The following CPEB4 variants were observed in gnomAD, a reference collection of about 807,000 sequenced individuals.
CPEB4 encodes the protein cytoplasmic polyadenylation element binding protein 4.
CPEB4 carries 12 observed loss-of-function variants against 72.5 expected under a neutral mutation model. The observed-to-expected ratio is 0.17, with a 90% CI of 0.11 to 0.27. The LOEUF (loss-of-function observed/expected upper bound fraction) is 0.27. Ranked by LOEUF, CPEB4 falls within the 10% of genes least tolerant of loss-of-function variation. The pLI, the probability that CPEB4 is intolerant of heterozygous loss-of-function variation, is 1.00. For synonymous variants in CPEB4, 302 were observed against 326.3 expected (o/e 0.93, Z 0.80); for missense variants, 614 against 908.5 (o/e 0.68, Z 4.17).
rs577778295 is a variant in CPEB4, at chr5:173,892,809, G to A, written c.1125+1951G>A. 7.9e-5 allele frequency among the ~76,000 whole-genome samples: 12 copies of A among 152,246 alleles called. No homozygotes were observed. In the South Asian group the frequency reaches 2.5e-3, roughly 32 times the overall value. ...GAACAGTTTCTTTGGAGATTAAGTT[G>A]ATTTATGAAATAATAGTTAGACTAA... On this transcript the variant is annotated intron_variant, in intron 1 of 9. Coordinates refer to ENST00000265085, the MANE Select transcript of CPEB4 (RefSeq NM_030627.4).
At chr5:173,930,389 C>G (rs1446399351) in intron 2 of CPEB4, among the ~76,000 whole-genome samples, 2 of 152,084 alleles carry the variant, frequency 1.3e-5, no homozygotes, top group Non-Finnish European at 2.9e-5. Context: ...GGGTCATGTT[C>G]TTGCTCGTAG....
At chr5:173,943,143 G>C in intron 4 of CPEB4, 94 bp downstream of exon 4, 1 of 1,230,354 alleles carries the variant, frequency 8.1e-7, no homozygotes, top group South Asian at 1.4e-5. Flanking sequence ...GGGGAGAGGG[G>C]AAATGAAGCA....
At chr5:173,926,152 T>G (rs1163226592) in intron 2 of CPEB4, among the ~76,000 whole-genome samples, 1 of 152,234 alleles carries the variant, frequency 6.6e-6, no homozygotes, top group African/African-American at 2.4e-5. Context: ...GGTGTTTGTG[T>G]GTTTGAAATG....
At chr5:173,915,970 C>T (rs1275547189) in intron 2 of CPEB4, among the ~76,000 whole-genome samples, 1 of 151,904 alleles carries the variant, frequency 6.6e-6, no homozygotes, top group Non-Finnish European at 1.5e-5. Context: ...AATAAAGAGA[C>T]AAAAATAGTG....
chr5:173,905,014 AAT>A lies in CPEB4; in HGVS notation c.1126-5507_1126-5506del, dbSNP rs1561608928. Among the ~76,000 whole-genome samples, 255 of 59,902 alleles carry A rather than the reference AAT, an allele frequency of 4.3e-3. 2 individuals are homozygous for A. Among genetic ancestry groups the A allele is most frequent in the Non-Finnish European group, 5.6e-3 (148 of 26,222 alleles). 39.3% of individuals were successfully genotyped at this position (59,902 alleles called of 152,430 possible). A position where few individuals can be genotyped will look rare whatever the true frequency, so the allele number is the denominator to read the frequency against. On this transcript the variant is annotated intron_variant, in intron 1 of 9. Coordinates refer to ENST00000265085, the MANE Select transcript of CPEB4 (RefSeq NM_030627.4). ...TAATAATAATAATAATAATAATAAT[AAT>A]AAAAAAATGTAACTTAGAAGATTTG...
chr5:173,902,156 C>A (rs1173715747), intron 1 of CPEB4, among the ~76,000 whole-genome samples: 2 of 152,192 alleles, frequency 1.3e-5, no homozygotes, highest in African/African-American at 2.4e-5. Flanking sequence ...ATGGGCTCTA[C>A]TGGCATCTCA....
intron 2 of CPEB4, among the ~76,000 whole-genome samples, chr5:173,914,130 A>T (rs2113186409): frequency 1.3e-5 from 2 of 152,310 alleles, no homozygotes; most frequent in East Asian, 3.9e-4. Flanking sequence ...GATTATAGTT[A>T]CGCTTGTTTT....
intron 9 of CPEB4, among the ~76,000 whole-genome samples, chr5:173,954,596 C>G (rs574680049): frequency 1.4e-4 from 21 of 152,310 alleles, no homozygotes; most frequent in African/African-American, 4.8e-4. Flanking sequence ...CAGTTTCAAA[C>G]TCCTGACCTC....
intron 2 of CPEB4, among the ~76,000 whole-genome samples, chr5:173,928,574 T>C (rs757054968): frequency 6.6e-6 from 1 of 152,178 alleles, no homozygotes; most frequent in Non-Finnish European, 1.5e-5. Context: ...ACACTCTTCA[T>C]TGGGAACATG....
At position 173,923,515 on chromosome 5, in the gene CPEB4, G is replaced by A. The variant is rs146468166; in HGVS notation, c.1208-8935G>A. On this transcript the variant is annotated intron_variant, in intron 2 of 9. Transcript: ENST00000265085. ...ATTTGTCAAAATTATTTTCACCTTG[G>A]GGCCAGTTCTTTATTCATTGGTTCT... is the stretch of plus-strand genomic sequence containing the variant. Among the ~76,000 whole-genome samples, 1,120 of 151,878 alleles carry A rather than the reference G, an allele frequency of 7.4e-3. 8 individuals carry two copies. Among genetic ancestry groups the A allele is most frequent in the Non-Finnish European group, 6.8e-3 (464 of 67,964 alleles).
At chr5:173,954,782 G>A (rs543717483) in intron 9 of CPEB4, among the ~76,000 whole-genome samples, 2 of 152,184 alleles carry the variant, frequency 1.3e-5, no homozygotes, top group Admixed American at 6.5e-5. Context: ...GACTGAATTT[G>A]TGTTCCTCTG....
rs1426071897 is a variant in CPEB4, at chr5:173,900,359, C to T, written c.1125+9501C>T. On this transcript the variant is annotated intron_variant, in intron 1 of 9. Transcript: ENST00000265085. The surrounding 1 kb of genome is among the most constrained non-coding windows in gnomAD (Gnocchi z 4.4). ...GGCAGAGGTTGCAGTGAGCCGAGAT[C>T]GCGCCATTGCACTCCAGCCTGGACA... Among the ~76,000 whole-genome samples the T allele has an allele frequency of 3.3e-5, 5 of 151,842 alleles. No homozygotes were observed. Among genetic ancestry groups the T allele is most frequent in the African/African-American group, 7.3e-5 (3 of 41,330 alleles).
At chr5:173,893,176 C>T (rs1755878638) in intron 1 of CPEB4, 1 of 152,060 alleles carries the variant, frequency 6.6e-6, no homozygotes, top group African/African-American at 2.4e-5. Flanking sequence ...TTGAAAAAGT[C>T]TAAAGAAGTA....
chr5:173,928,283 G>C (rs926264888), intron 2 of CPEB4, among the ~76,000 whole-genome samples: 2 of 152,152 alleles, frequency 1.3e-5, no homozygotes, highest in Non-Finnish European at 2.9e-5. Flanking sequence ...AATGTAAACT[G>C]TGAACTTTGG....
At chr5:173,908,669 A>G (rs1240225849) in intron 1 of CPEB4, among the ~76,000 whole-genome samples, 2 of 152,182 alleles carry the variant, frequency 1.3e-5, no homozygotes, top group Non-Finnish European at 2.9e-5. Flanking sequence ...TGTTAGGTCC[A>G]TCCAAAAAAA....
intron 2 of CPEB4, among the ~76,000 whole-genome samples, chr5:173,930,984 C>G (rs1180487158): frequency 1.3e-5 from 1 of 76,194 alleles, no homozygotes; most frequent in Admixed American, 1.8e-4. Flanking sequence ...GAGTGAGACT[C>G]TGTCTCAAAA....
At chr5:173,914,764 G>C (rs1013581850) in intron 2 of CPEB4, among the ~76,000 whole-genome samples, 1 of 151,830 alleles carries the variant, frequency 6.6e-6, no homozygotes, top group Non-Finnish European at 1.5e-5. Flanking sequence ...GTCACAAAAA[G>C]GAAAGAGAAG....
chr5:173,944,059 C>T (rs1263577718), intron 4 of CPEB4, among the ~76,000 whole-genome samples: 1 of 152,150 alleles, frequency 6.6e-6, no homozygotes, highest in African/African-American at 2.4e-5. Flanking sequence ...CACATATTGG[C>T]ATCTCTGGTG....
rs778809250 is a variant in CPEB4, at chr5:173,910,614, G to T, written c.1207+10G>T. The T allele has an allele frequency of 1.1e-5, 17 of 1,501,142 alleles. No individual in the cohort carries two copies. The South Asian group carries it at 1.8e-4, about 16-fold the overall frequency. The allele number at this position is 1,501,142 out of a possible 1,614,324, so 93.0% of individuals were successfully genotyped here. A position where few individuals can be genotyped will look rare whatever the true frequency, so the allele number is the denominator to read the frequency against. Reference sequence around the variant, plus strand: ...AATGATACCATTAAAGGTAAGTTTAGAAATATACCCAATTGATTTCAGACA... The same window carrying T: ...AATGATACCATTAAAGGTAAGTTTATAAATATACCCAATTGATTTCAGACA... On this transcript the variant is annotated intron_variant, in intron 2 of 9. Coordinates refer to ENST00000265085, the MANE Select transcript of CPEB4 (RefSeq NM_030627.4).
Sources: allele counts gnomAD v4.1 joint callset (sites outside exome capture counted in the v4.1 genomes callset), GRCh38; gene constraint gnomAD v4.1.1; non-coding constraint Gnocchi (gnomAD v3.1); transcripts MANE v1.5; gene names NCBI Gene and HGNC (gene_info 2026-07-23, HGNC 2026-07-21).